Variants in CLIC5 observed in about 807,000 individuals in gnomAD.
CLIC5 encodes the protein CLIC family member 5.
A neutral mutation model predicts 24.7 loss-of-function variants in CLIC5; 20 were observed. The ratio of observed to expected loss-of-function variants is 0.81; its 90% CI spans 0.57 to 1.18. The LOEUF is 1.18. Ranked by LOEUF, CLIC5 falls within the 50% of genes most tolerant of loss-of-function variation. The pLI is 0.00. For missense variants in CLIC5, 341 were observed against 326.1 expected (o/e 1.05, Z -0.35); for synonymous variants, 159 against 135.6 (o/e 1.17, Z -1.20).
the CLIC5 span, among the ~76,000 whole-genome samples, chr6:46,093,851 G>GT: frequency 6.6e-6 from 1 of 152,208 alleles, no homozygotes; most frequent in Non-Finnish European, 1.5e-5. Flanking sequence ...TAAACCCCCT[G>GT]TATTAGCCTG....
At chr6:45,958,559 C>T (rs936070041) in intron 1 of CLIC5, among the ~76,000 whole-genome samples, 2 of 147,202 alleles carry the variant, frequency 1.4e-5, no homozygotes, top group African/African-American at 5.0e-5. Flanking sequence ...CTTCCTGTTC[C>T]CTAGATACAG....
At chr6:45,939,823 T>G (rs573847665) in intron 4 of CLIC5, among the ~76,000 whole-genome samples, 23 of 152,150 alleles carry the variant, frequency 1.5e-4, no homozygotes, top group Admixed American at 1.4e-3. Flanking sequence ...AACAAGTTTT[T>G]TTTTTTTTTG....
At chr6:45,987,328 C>A (rs1363406511) in intron 1 of CLIC5, among the ~76,000 whole-genome samples, 2 of 152,132 alleles carry the variant, frequency 1.3e-5, no homozygotes, top group African/African-American at 2.4e-5. Flanking sequence ...GTGTGCACAC[C>A]TAAGCTCTAT....
chr6:45,922,852 A>T (rs908684703), intron 4 of CLIC5, among the ~76,000 whole-genome samples: 31 of 152,002 alleles, frequency 2.0e-4, no homozygotes, highest in African/African-American at 7.5e-4. Flanking sequence ...AGAGAGAGAG[A>T]GAGAGACTGA....
chr6:45,945,323 G>A (rs528823212), intron 3 of CLIC5, among the ~76,000 whole-genome samples: 15 of 152,274 alleles, frequency 9.9e-5, no homozygotes, highest in South Asian at 6.2e-4. Flanking sequence ...TGCCTGTAGC[G>A]GAGAATATGC....
At chr6:46,014,430 A>C (rs1766919894) in intron 1 of CLIC5, 1 of 152,222 alleles carries the variant, frequency 6.6e-6, no homozygotes, top group African/African-American at 2.4e-5. Flanking sequence ...GGCCCCTGAC[A>C]GGCACCAGTG....
chr6:46,079,181 TTAC>T (rs1369802720), intron 1 of CLIC5, among the ~76,000 whole-genome samples: 2 of 152,226 alleles, frequency 1.3e-5, no homozygotes, highest in Non-Finnish European at 2.9e-5. Flanking sequence ...TGGTAGTGTC[TTAC>T]TACTACTGAA....
chr6:46,079,985 C>T, exon 1 of CLIC5: 1 of 1,551,660 alleles, frequency 6.4e-7, no homozygotes, highest in Non-Finnish European at 8.7e-7. Flanking sequence ...CAGAGTATAT[C>T]TCATCAGGCA....
chr6:46,076,087 A>T (rs2127477212), intron 1 of CLIC5, among the ~76,000 whole-genome samples: 1 of 152,282 alleles, frequency 6.6e-6, no homozygotes, highest in Middle Eastern at 3.4e-3. Flanking sequence ...CTGTTATAAA[A>T]AGGTGGCCAT....
intron 1 of CLIC5, among the ~76,000 whole-genome samples, chr6:46,068,841 C>A (rs1436198113): frequency 2.0e-5 from 3 of 152,124 alleles, no homozygotes; most frequent in East Asian, 1.9e-4. Flanking sequence ...ACCAACCCTG[C>A]CAACACCTTG....
upstream of CLIC5, among the ~76,000 whole-genome samples, chr6:46,020,626 A>G (rs947427045): frequency 1.3e-5 from 2 of 152,050 alleles, no homozygotes; most frequent in African/African-American, 2.4e-5. Context: ...AGAGAAAATC[A>G]ATAATACTAG....
At chr6:45,906,798 T>C (rs891146540) in intron 5 of CLIC5, among the ~76,000 whole-genome samples, 1 of 152,046 alleles carries the variant, frequency 6.6e-6, no homozygotes, top group African/African-American at 2.4e-5. Context: ...CCGACCTCAG[T>C]CGATCCGCCT....
At chr6:45,928,795 T>TGTGTGTGTGTGG (rs200432038) in intron 4 of CLIC5, among the ~76,000 whole-genome samples, 2,126 of 148,466 alleles carry the variant, frequency 0.014, 55 homozygotes, top group African/African-American at 0.049. Flanking sequence ...TGTGTGTGTG[T>TGTGTGTGTGTGG]AGAGAGAGAG....
At chr6:45,984,093 G>A (rs6930840) in intron 1 of CLIC5, among the ~76,000 whole-genome samples, 46,660 of 151,984 alleles carry the variant, frequency 0.31, 7,559 homozygotes, top group Middle Eastern at 0.45. Flanking sequence ...AGAGAGTGTG[G>A]GAAAGCACTT....
At chr6:46,111,655 C>T in the CLIC5 span, among the ~76,000 whole-genome samples, 1 of 152,120 alleles carries the variant, frequency 6.6e-6, no homozygotes, top group Non-Finnish European at 1.5e-5. Context: ...CAACATTTAA[C>T]CCAAATCTCT....
chr6:46,052,973 G>A (rs1375387873), intron 1 of CLIC5, among the ~76,000 whole-genome samples: 1 of 151,934 alleles, frequency 6.6e-6, no homozygotes, highest in African/African-American at 2.4e-5. Flanking sequence ...AACAATCAGA[G>A]AATAAGATCA....
chr6:45,957,606 G>C (rs1276948757), intron 1 of CLIC5, among the ~76,000 whole-genome samples: 1 of 152,104 alleles, frequency 6.6e-6, no homozygotes, highest in African/African-American at 2.4e-5. Flanking sequence ...CATAGGGCAT[G>C]GTATCCTTCA....
the CLIC5 span, among the ~76,000 whole-genome samples, chr6:46,109,348 T>C: frequency 6.6e-6 from 1 of 151,942 alleles, no homozygotes. Flanking sequence ...TCCATAACAT[T>C]GGACTAGATT....
At chr6:45,913,934 G>T in intron 5 of CLIC5, 3 of 613,846 alleles carry the variant, frequency 4.9e-6, no homozygotes, top group Non-Finnish European at 7.1e-6. Flanking sequence ...AACGATAATT[G>T]CGACTATTAC....
Sources: allele counts gnomAD v4.1 joint callset (sites outside exome capture counted in the v4.1 genomes callset), GRCh38; gene constraint gnomAD v4.1.1; transcripts MANE v1.5; gene names NCBI Gene and HGNC (gene_info 2026-07-23, HGNC 2026-07-21).